The following SUGCT variants were observed in gnomAD, a reference collection of about 807,000 sequenced individuals.
SUGCT encodes succinyl-CoA:glutarate CoA-transferase.
In SUGCT, 41 loss-of-function variants were observed where a neutral mutation model predicts 55.0. The observed-to-expected ratio is 0.74, with a 90% CI of 0.58 to 0.97. The LOEUF is 0.97. Ranked by LOEUF, SUGCT falls within the 50% of genes least tolerant of loss-of-function variation. The pLI is 0.00. For missense variants in SUGCT, 568 were observed against 547.8 expected (o/e 1.04, Z -0.37); for synonymous variants, 187 against 200.4 (o/e 0.93, Z 0.56).
At chr7:40,727,408 T>C (rs1441888697) in intron 12 of SUGCT, among the ~76,000 whole-genome samples, 1 of 152,216 alleles carries the variant, frequency 6.6e-6, no homozygotes, top group African/African-American at 2.4e-5. Flanking sequence ...ATCTAGCCCA[T>C]TGGACCATTC....
chr7:40,672,942 G>C (rs1459616214), intron 12 of SUGCT, among the ~76,000 whole-genome samples: 1 of 152,032 alleles, frequency 6.6e-6, no homozygotes, highest in Non-Finnish European at 1.5e-5. Flanking sequence ...CCCCAAGCAG[G>C]CTCCCTCATG....
chr7:40,212,307 CTTATT>C (rs962285997), intron 6 of SUGCT, among the ~76,000 whole-genome samples: 3 of 149,896 alleles, frequency 2.0e-5, no homozygotes, highest in African/African-American at 7.3e-5. Context: ...TGCCTTTAGT[CTTATT>C]TATTTGGGAA....
intron 12 of SUGCT, among the ~76,000 whole-genome samples, chr7:40,574,674 C>T (rs1032581700): frequency 2.2e-4 from 33 of 152,142 alleles, no homozygotes; most frequent in African/African-American, 3.4e-4. Context: ...TCAGGCGATC[C>T]GCCTGCCTTG....
intron 13 of SUGCT, among the ~76,000 whole-genome samples, chr7:40,837,108 T>C (rs1281025977): frequency 6.6e-6 from 1 of 152,212 alleles, no homozygotes; most frequent in Non-Finnish European, 1.5e-5. Flanking sequence ...TATGGTGCTA[T>C]CAATATTCCT....
intron 13 of SUGCT, among the ~76,000 whole-genome samples, chr7:40,837,310 A>G (rs1260663333): frequency 6.6e-6 from 1 of 152,178 alleles, no homozygotes; most frequent in Non-Finnish European, 1.5e-5. Flanking sequence ...TTTGAGAAAT[A>G]TATAAATTCT....
At chr7:40,449,492 A>G (rs974612954) in intron 10 of SUGCT, 134 bp downstream of exon 10, 3 of 649,606 alleles carry the variant, frequency 4.6e-6, no homozygotes, top group East Asian at 2.8e-5. Context: ...CGCATAAAGG[A>G]TAAGGCAGAG....
intron 12 of SUGCT, among the ~76,000 whole-genome samples, chr7:40,712,600 A>G (rs573196892): frequency 1.1e-3 from 162 of 152,364 alleles, no homozygotes; most frequent in African/African-American, 3.8e-3. Context: ...GCCAAATAAA[A>G]TGGAAATATA....
intron 9 of SUGCT, among the ~76,000 whole-genome samples, chr7:40,444,985 G>C (rs570692136): frequency 1.3e-5 from 2 of 152,254 alleles, no homozygotes; most frequent in South Asian, 4.1e-4. Flanking sequence ...AGGTAATCAT[G>C]TGGTTTTTGT....
At chr7:40,268,575 C>T (rs1034104124) in intron 7 of SUGCT, among the ~76,000 whole-genome samples, 1 of 152,080 alleles carries the variant, frequency 6.6e-6, no homozygotes. Flanking sequence ...TACTCTTAGG[C>T]TATTATGAAT....
At chr7:40,300,485 G>A (rs1489241693) in intron 8 of SUGCT, among the ~76,000 whole-genome samples, 2 of 152,182 alleles carry the variant, frequency 1.3e-5, no homozygotes, top group Admixed American at 6.5e-5. Context: ...TATAAGAATT[G>A]ACACAACAAA....
the SUGCT span, among the ~76,000 whole-genome samples, chr7:40,879,020 T>G: frequency 6.6e-6 from 1 of 152,124 alleles, no homozygotes; most frequent in Admixed American, 6.5e-5. Flanking sequence ...TCTCGAGCTC[T>G]TGACCTTGTG....
At chr7:40,387,742 A>T (rs1398304874) in intron 9 of SUGCT, among the ~76,000 whole-genome samples, 1 of 152,176 alleles carries the variant, frequency 6.6e-6, no homozygotes, top group African/African-American at 2.4e-5. Context: ...TAATGTCTAT[A>T]AAGTGCTTAG....
intron 12 of SUGCT, among the ~76,000 whole-genome samples, chr7:40,563,238 G>T (rs67340458): frequency 0.25 from 37,836 of 151,902 alleles, 6,503 homozygotes; most frequent in African/African-American, 0.49. Flanking sequence ...CCTCGGACTT[G>T]AAAATTTGTA....
At chr7:40,195,163 TA>T in intron 6 of SUGCT, 103 bp downstream of exon 6, 1 of 1,302,170 alleles carries the variant, frequency 7.7e-7, no homozygotes, top group Non-Finnish European at 1.0e-6. Context: ...TTTTGGAAGT[TA>T]TTCTGTTTTC....
chr7:40,436,367 C>A (rs545940212), intron 9 of SUGCT, among the ~76,000 whole-genome samples: 1 of 152,272 alleles, frequency 6.6e-6, no homozygotes, highest in South Asian at 2.1e-4. Context: ...TTCAGGGCCT[C>A]CCCCAATCTC....
chr7:40,968,779 A>G, the SUGCT span, among the ~76,000 whole-genome samples: 1 of 152,140 alleles, frequency 6.6e-6, no homozygotes, highest in African/African-American at 2.4e-5. Context: ...ACCCTCCAGT[A>G]AGTAACAAGG....
chr7:40,939,143 TA>T, the SUGCT span, among the ~76,000 whole-genome samples: 2 of 151,974 alleles, frequency 1.3e-5, no homozygotes, highest in African/African-American at 4.8e-5. Flanking sequence ...GCCTCACAAT[TA>T]TGGAGGAAGG....
intron 8 of SUGCT, among the ~76,000 whole-genome samples, chr7:40,282,338 T>G (rs1425351237): frequency 6.6e-6 from 1 of 151,622 alleles, no homozygotes; most frequent in Non-Finnish European, 1.5e-5. Flanking sequence ...CATGGTGGCA[T>G]GCACCTGTAG....
At chr7:40,460,115 C>T (rs6965918) in intron 11 of SUGCT, among the ~76,000 whole-genome samples, 44,813 of 152,024 alleles carry the variant, frequency 0.29, 8,852 homozygotes, top group African/African-American at 0.56. Flanking sequence ...ACTAAAATTC[C>T]GCTGTTTTTA....
Sources: allele counts gnomAD v4.1 joint callset (sites outside exome capture counted in the v4.1 genomes callset), GRCh38; gene constraint gnomAD v4.1.1; transcripts MANE v1.5; gene names NCBI Gene and HGNC (gene_info 2026-07-23, HGNC 2026-07-21).